The following GPSM2 variants were observed in gnomAD, a reference collection of about 807,000 sequenced individuals.
GPSM2 encodes G protein signaling modulator 2.
Under a neutral mutation model 78.4 loss-of-function variants are expected in GPSM2, and 58 were observed. The ratio of observed to expected loss-of-function variants is 0.74; its 90% confidence interval spans 0.60 to 0.92. GPSM2 has a LOEUF of 0.92. Ranked by LOEUF, GPSM2 falls within the 40% of genes least tolerant of loss-of-function variation. The pLI is 0.00. For missense variants in GPSM2, 700 were observed against 815.5 expected, an observed-to-expected ratio of 0.86 and a Z score of 1.73; for synonymous variants, 224 against 280.2, an observed-to-expected ratio of 0.80 and a Z score of 2.00.
intron 11 of GPSM2, among the ~76,000 whole-genome samples, chr1:108,915,982 C>T (rs979010371): frequency 6.6e-6 from 1 of 150,972 alleles, no homozygotes; most frequent in Admixed American, 6.6e-5. Flanking sequence ...TGGCTCATGC[C>T]TGTAATCCCA....
At chr1:108,908,401 A>C (rs1649424870) in intron 10 of GPSM2, among the ~76,000 whole-genome samples, 1 of 136,478 alleles carries the variant, frequency 7.3e-6, no homozygotes, top group African/African-American at 2.8e-5. Context: ...AAAACACAGG[A>C]GGCCAGGCGC....
Position 108,885,374 on chromosome 1 carries a change from A to G in GPSM2, c.-149A>G, listed in dbSNP as rs1318988137. On this transcript the variant is annotated 5_prime_UTR_variant, in exon 2 of 15. An upstream open reading frame in the 5' UTR loses its in-frame stop. Coordinates refer to ENST00000264126, the MANE Select transcript of GPSM2 (RefSeq NM_013296.5). ...TGACATTGACCTCCTTTCATTATTA[A>G]TAAAGAAGAATCAGGAGCTTAGGAT... The G allele has an allele frequency of 4.5e-5, 24 of 529,104 alleles. No homozygotes were observed. Among genetic ancestry groups the G allele is most frequent in the Non-Finnish European group, 7.3e-5 (22 of 299,522 alleles). 32.8% of individuals were successfully genotyped at this position (529,104 alleles called of 1,614,324 possible).
chr1:108,924,163 TGA>T lies in GPSM2; in HGVS notation c.1765_1766del (p.Asp589GlnfsTer5), dbSNP rs1457257725. On this transcript the variant is annotated frameshift_variant, in exon 14 of 15. Transcript: ENST00000264126. LOFTEE classifies it high-confidence loss of function. ...CGGTACTTAGCCACCTGATGACTAA[TGA>T]CAACAAAGAGGCTGATGAAGATTTC... ...QSVLSHLMTN[D>X]NKEADEDFFD... is the part of the protein sequence containing the mutation. 8 of 1,613,954 alleles carry T rather than the reference TGA, an allele frequency of 5.0e-6. No homozygotes were observed. Among genetic ancestry groups the T allele is most frequent in the Non-Finnish European group, 6.8e-6 (8 of 1,179,848 alleles).
intron 14 of GPSM2, among the ~76,000 whole-genome samples, chr1:108,927,164 A>T (rs1192097251): frequency 6.6e-6 from 1 of 152,234 alleles, no homozygotes; most frequent in Non-Finnish European, 1.5e-5. Flanking sequence ...CAAATGGAAC[A>T]ATATCCCATG....
intron 11 of GPSM2, among the ~76,000 whole-genome samples, chr1:108,916,953 C>T (rs563985704): frequency 1.3e-5 from 2 of 152,292 alleles, no homozygotes; most frequent in Non-Finnish European, 2.9e-5. Context: ...GTGAAAATGT[C>T]TTTACTAACC....
At position 108,924,181 on chromosome 1, in the gene GPSM2, T is replaced by A. The variant is rs142453358; in HGVS notation, c.1782T>A (p.Asp594Glu). ...HLMTNDNKEA[D>E]EDFFDILVKC... is the part of the protein sequence containing the mutation. The stretch of plus-strand genomic sequence containing the variant: ...TGACTAATGACAACAAAGAGGCTGA[T>A]GAAGATTTCTTTGACATCCTTGTAA... The change falls in exon 14 of 15, where the codon GAT becomes GAA. Residue 594 changes from aspartate (D) to glutamate (E), a missense_variant. Coordinates refer to ENST00000264126, the MANE Select transcript of GPSM2 (RefSeq NM_013296.5). 5 of 1,613,292 alleles carry A rather than the reference T, an allele frequency of 3.1e-6. No homozygotes were observed. Among genetic ancestry groups the A allele is most frequent in the Non-Finnish European group, 3.4e-6 (4 of 1,179,358 alleles).
At chr1:108,929,526 C>A (rs1320321047) in intron 14 of GPSM2, 175 bp from the exon 15 acceptor site, 2 of 647,698 alleles carry the variant, frequency 3.1e-6, no homozygotes, top group East Asian at 2.7e-5. Flanking sequence ...AAGATTATTT[C>A]TTTCAGAAAT....
At chr1:108,897,146 A>G (rs1648429714) in intron 3 of GPSM2, 61 bp downstream of exon 3, 1 of 1,231,012 alleles carries the variant, frequency 8.1e-7, no homozygotes, top group African/African-American at 1.5e-5. Flanking sequence ...TTTAAAAAAT[A>G]TTTCTATTCA....
chr1:108,882,688 G>A (rs2101310106), intron 1 of GPSM2: 1 of 152,274 alleles, frequency 6.6e-6, no homozygotes, highest in Non-Finnish European at 1.5e-5. Context: ...AAACCTCATA[G>A]TGGATAACGG....
At chr1:108,897,920 T>C (rs757388596) in intron 4 of GPSM2, 39 bp from the exon 5 acceptor site, 3 of 1,607,080 alleles carry the variant, frequency 1.9e-6, no homozygotes, top group Middle Eastern at 1.7e-4. Context: ...ACCTGACCTC[T>C]GTTTTCAAAA....
At chr1:108,911,588 G>A (rs189807174) in intron 10 of GPSM2, among the ~76,000 whole-genome samples, 9 of 152,194 alleles carry the variant, frequency 5.9e-5, no homozygotes, top group Admixed American at 1.3e-4. Context: ...GTCACTTTAC[G>A]GTGGTACTTA....
At chr1:108,891,720 G>A (rs1356549996) in intron 2 of GPSM2, among the ~76,000 whole-genome samples, 1 of 148,036 alleles carries the variant, frequency 6.8e-6, no homozygotes, top group Non-Finnish European at 1.5e-5. Context: ...GCCCAGGCTG[G>A]TCTCGAACTC....
Position 108,929,759 on chromosome 1 carries a change from C to A in GPSM2, c.1874C>A (p.Thr625Lys). The stretch of plus-strand genomic sequence containing the variant: ...CCACCTGCTACCACAAAGGGTCCGA[C>A]AGTACCAGATGAAGACTTTTTCAGC... Reference protein sequence around the residue: ...APPPATTKGPTVPDEDFFSLI... With the variant: ...APPPATTKGPKVPDEDFFSLI... The change falls in exon 15 of 15, where the codon ACA becomes AAA. Residue 625 changes from threonine (T) to lysine (K), a missense_variant. Thr to Lys is a moderately conservative substitution (Grantham distance 78, BLOSUM62 -1). Coordinates refer to ENST00000264126, the MANE Select transcript of GPSM2 (RefSeq NM_013296.5). 1 of 1,612,974 alleles carries A rather than the reference C, an allele frequency of 6.2e-7. No individual in the cohort carries two copies.
At chr1:108,901,641 A>C (rs1014687668) in intron 7 of GPSM2, 149 bp from the exon 8 acceptor site, 11 of 665,204 alleles carry the variant, frequency 1.7e-5, no homozygotes, top group Non-Finnish European at 2.7e-5. Flanking sequence ...TCTAAAAGTA[A>C]TGGAGAAAGT....
intron 5 of GPSM2, among the ~76,000 whole-genome samples, 188 bp downstream of exon 5, chr1:108,898,289 G>A (rs1054064056): frequency 9.2e-5 from 14 of 152,252 alleles, no homozygotes; most frequent in African/African-American, 3.4e-4. Flanking sequence ...TTTCATTTAA[G>A]TTGCAGACCA....
rs1651584558 is a variant in GPSM2 at position 108,929,769 on chromosome 1, T to A, written c.1884T>A (p.Asp628Glu). ...CCACAAAGGGTCCGACAGTACCAGATGAAGACTTTTTCAGCCTTATTTTAC... is the reference window on the plus strand; with the variant it reads ...CCACAAAGGGTCCGACAGTACCAGAAGAAGACTTTTTCAGCCTTATTTTAC... ...PATTKGPTVP[D>E]EDFFSLILRS... The change falls in exon 15 of 15, where the codon GAT (aspartate) becomes GAA (glutamate). Residue 628 changes from aspartate (D) to glutamate (E), a missense_variant. Transcript: ENST00000264126. The A allele has an allele frequency of 6.2e-7, 1 of 1,613,646 alleles. No homozygotes were observed. The highest frequency in any genetic ancestry group is 8.5e-7 in the Non-Finnish European group (1 of 1,179,642).
chr1:108,889,032 C>T (rs555142523), intron 2 of GPSM2, among the ~76,000 whole-genome samples: 1 of 152,266 alleles, frequency 6.6e-6, no homozygotes, highest in Admixed American at 6.5e-5. Context: ...GGTTTCATCT[C>T]CTAAATGTTT....
At position 108,898,939 on chromosome 1, in the gene GPSM2, C is replaced by T; in HGVS notation, c.742C>T (p.Leu248Phe). 6.2e-7 allele frequency: 1 copy of T among 1,612,652 alleles called. No homozygotes were observed. Among genetic ancestry groups the T allele is most frequent in the Non-Finnish European group, 8.5e-7 (1 of 1,178,738 alleles). ...AGCTGAAAGAAGAGCATATAGCAAC[C>T]TTGGAAATGCATATATATTTCTTGG... ...KAAERRAYSNLGNAYIFLGEF... is the reference protein window; with the variant it reads ...KAAERRAYSNFGNAYIFLGEF... The change falls in exon 7 of 15, where the codon CTT (leucine) becomes TTT (phenylalanine). Residue 248 changes from leucine to phenylalanine, a missense_variant. Coordinates refer to ENST00000264126, the MANE Select transcript of GPSM2 (RefSeq NM_013296.5).
At chr1:108,920,175 T>A (rs1010458734) in intron 12 of GPSM2, among the ~76,000 whole-genome samples, 2 of 145,966 alleles carry the variant, frequency 1.4e-5, no homozygotes, top group Non-Finnish European at 1.5e-5. Flanking sequence ...TCAAAAAAAA[T>A]AAAATAAAAT....
Sources: allele counts gnomAD v4.1 joint callset (sites outside exome capture counted in the v4.1 genomes callset), GRCh38; gene constraint gnomAD v4.1.1; transcripts MANE v1.5; gene names NCBI Gene and HGNC (gene_info 2026-07-23, HGNC 2026-07-21).